Variants in VWA8 observed in about 807,000 individuals in gnomAD.
VWA8 encodes the protein von Willebrand factor A domain containing 8.
In VWA8, 221 loss-of-function variants were observed where a neutral mutation model predicts 241.5. The observed-to-expected ratio is 0.91, with a 90% confidence interval of 0.82 to 1.02. The LOEUF (loss-of-function observed/expected upper bound fraction) is 1.02. Among genes scored for constraint, VWA8 ranks in the 50% least tolerant of loss-of-function variants. The pLI is 0.00. For missense variants in VWA8, 2,322 were observed against 2,328.7 expected (o/e 1.00, Z 0.06); for synonymous variants, 852 against 827.1 (o/e 1.03, Z -0.52).
chr13:41,935,972 T>C (rs1346858459), intron 2 of VWA8, among the ~76,000 whole-genome samples: 2 of 152,104 alleles, frequency 1.3e-5, no homozygotes, highest in Non-Finnish European at 2.9e-5. Context: ...CTACTTTCTA[T>C]CTCTACCACA....
chr13:41,919,723 G>A (rs576905901), intron 2 of VWA8, among the ~76,000 whole-genome samples: 1 of 152,084 alleles, frequency 6.6e-6, no homozygotes, highest in African/African-American at 2.4e-5. Context: ...ACTACCCCCA[G>A]ACACCACACC....
chr13:41,741,845 C>T (rs1184683613), intron 21 of VWA8, among the ~76,000 whole-genome samples: 1 of 152,226 alleles, frequency 6.6e-6, no homozygotes, highest in South Asian at 2.1e-4. Context: ...AAATTAAATT[C>T]ATGTCAAAAG....
intron 12 of VWA8, 147 bp from the exon 13 acceptor site, chr13:41,833,678 A>C (rs1162013469): frequency 7.8e-6 from 8 of 1,026,282 alleles, no homozygotes; most frequent in Non-Finnish European, 9.0e-6. Context: ...CCAATTCCTA[A>C]AACGAAAGCT....
rs370109963 is a variant in VWA8 at position 41,644,145 on chromosome 13, T to C, written c.4611+26801A>G. Among the ~76,000 whole-genome samples the C allele has an allele frequency of 4.1e-4, 63 of 152,204 alleles. No individual in the cohort carries two copies. In the East Asian group the frequency reaches 7.6e-3, roughly 18 times the overall value. On this transcript the variant is annotated intron_variant, in intron 37 of 44. Coordinates refer to ENST00000379310, the MANE Select transcript of VWA8 (RefSeq NM_015058.2). ...ATTTTTTTTTAATTGTGCCATTATATTAAAGCAATTTTTCCCAGGGAAGCA... is the reference window on the plus strand; with the variant it reads ...ATTTTTTTTTAATTGTGCCATTATACTAAAGCAATTTTTCCCAGGGAAGCA...
Position 41,570,673 on chromosome 13 carries a change from C to T in VWA8, c.5404G>A (p.Gly1802Arg). ...MHAHSQFCMS[G>R]DHTLEGTEHA... ...TCTGTCCCTTCTAACGTGTGGTCCC[C>T]ACTCATGCAGAACTGAGAGTGGGCA... Residue 1802 changes from glycine to arginine, a missense_variant, in exon 44 of 45, where the codon GGG (glycine) becomes AGG (arginine). Gly to Arg is a moderately radical substitution (Grantham distance 125). Transcript: ENST00000379310. The T allele has an allele frequency of 6.2e-7, 1 of 1,614,202 alleles. No individual in the cohort carries two copies. Among genetic ancestry groups the T allele is most frequent in the South Asian group, 1.1e-5 (1 of 91,086 alleles).
At chr13:41,841,985 A>C (rs1281818772) in intron 12 of VWA8, among the ~76,000 whole-genome samples, 2 of 150,698 alleles carry the variant, frequency 1.3e-5, no homozygotes, top group African/African-American at 4.9e-5. Flanking sequence ...AGTTTTACTT[A>C]TTAAGCAATA....
At chr13:41,584,070 T>C (rs572833475) in intron 42 of VWA8, among the ~76,000 whole-genome samples, 1 of 152,198 alleles carries the variant, frequency 6.6e-6, no homozygotes, top group African/African-American at 2.4e-5. Context: ...GTACTGTAAA[T>C]ATTTGGAGAG....
At chr13:41,828,294 G>A (rs1159859357) in intron 14 of VWA8, among the ~76,000 whole-genome samples, 4 of 151,968 alleles carry the variant, frequency 2.6e-5, no homozygotes, top group East Asian at 3.8e-4. Context: ...TATCTTTTAC[G>A]GGATTTAAAT....
At chr13:41,678,685 CT>C (rs570554379) in intron 35 of VWA8, among the ~76,000 whole-genome samples, 7 of 152,184 alleles carry the variant, frequency 4.6e-5, no homozygotes, top group East Asian at 3.9e-4. Context: ...TTTAAAATAT[CT>C]TTTTTTTCCC....
At chr13:41,640,212 G>A (rs1361936742) in intron 37 of VWA8, among the ~76,000 whole-genome samples, 10 of 152,146 alleles carry the variant, frequency 6.6e-5, no homozygotes, top group African/African-American at 2.2e-4. Flanking sequence ...GTCTATTCAC[G>A]TCAGTGTTTT....
Position 41,568,388 on chromosome 13 carries a change from T to C in VWA8, c.5610-83A>G, listed in dbSNP as rs771203732. The stretch of plus-strand genomic sequence containing the variant: ...CCTGCCCTGGCAAACCACAGCCCCC[T>C]AATGGTTTCTTAGGAAAGGAAGTTT... On this transcript the variant is annotated intron_variant, in intron 44 of 44. Coordinates refer to ENST00000379310, the MANE Select transcript of VWA8 (RefSeq NM_015058.2). 9 of 1,081,472 alleles carry C rather than the reference T, an allele frequency of 8.3e-6. No individual in the cohort carries two copies. In the East Asian group the frequency reaches 2.1e-4, roughly 26 times the overall value. The allele number at this position is 1,081,472 out of a possible 1,614,324, so 67.0% of individuals were successfully genotyped here. A position where few individuals can be genotyped will look rare whatever the true frequency, so the allele number is the denominator to read the frequency against.
At position 41,907,650 on chromosome 13, in the gene VWA8, G is replaced by T. The variant is rs751263968; in HGVS notation, c.419C>A (p.Thr140Asn). The T allele has an allele frequency of 1.2e-6, 2 of 1,614,128 alleles. No individual in the cohort carries two copies. The highest frequency in any genetic ancestry group is 4.5e-5 in the East Asian group (2 of 44,872). ...TCGCTGTTTGAGATCAGTTTCAGTG[G>T]TGTCCCTTGACAGGGCAATGTATTC... ...EVEYIALSRD[T>N]TETDLKQRRE... The change falls in exon 4 of 45, where the codon ACC (threonine) becomes AAC (asparagine). Residue 140 changes from threonine (T) to asparagine (N), a missense_variant. Transcript: ENST00000379310.
intron 37 of VWA8, among the ~76,000 whole-genome samples, chr13:41,668,786 T>C (rs2045003472): frequency 6.6e-6 from 1 of 152,214 alleles, no homozygotes; most frequent in African/African-American, 2.4e-5. Flanking sequence ...GAATACAGAC[T>C]CATGTTTGAG....
intron 29 of VWA8, among the ~76,000 whole-genome samples, chr13:41,695,650 A>G (rs2045211408): frequency 6.6e-6 from 1 of 152,190 alleles, no homozygotes; most frequent in Non-Finnish European, 1.5e-5. Context: ...GAGGACAGGT[A>G]GAGAGGAAGT....
intron 12 of VWA8, among the ~76,000 whole-genome samples, chr13:41,835,759 T>C (rs184746930): frequency 1.3e-5 from 2 of 152,312 alleles, no homozygotes; most frequent in South Asian, 4.1e-4. Flanking sequence ...TATATATGTA[T>C]GTATACAAAT....
At chr13:41,742,367 C>A (rs1317776897) in intron 21 of VWA8, among the ~76,000 whole-genome samples, 1 of 152,168 alleles carries the variant, frequency 6.6e-6, no homozygotes. Flanking sequence ...AGATATATCC[C>A]TGCCCTGAAG....
chr13:41,900,051 T>C (rs895963358), intron 4 of VWA8, among the ~76,000 whole-genome samples: 8 of 152,204 alleles, frequency 5.3e-5, no homozygotes, highest in African/African-American at 1.4e-4. Flanking sequence ...GCTATTAGCA[T>C]TTATGGAATA....
At chr13:41,882,843 G>GGGAGA (rs1467056307) in intron 9 of VWA8, among the ~76,000 whole-genome samples, 3 of 151,960 alleles carry the variant, frequency 2.0e-5, no homozygotes, top group African/African-American at 4.8e-5. Flanking sequence ...GAGAGGGAGA[G>GGGAGA]CAATCCTATT....
In VWA8 at chr13:41,574,074, C is replaced by T. The variant is rs572020839; in HGVS notation, c.5370+1666G>A. 9.9e-5 allele frequency among the ~76,000 whole-genome samples: 15 copies of T among 151,670 alleles called. No individual in the cohort carries two copies. The East Asian group carries it at 2.9e-3, about 29-fold the overall frequency. ...ATGCCCGTATCAAACATCTTATGTG[C>T]CCCACAAGCATATAAACTTACTATG... On this transcript the variant is annotated intron_variant, in intron 43 of 44. Coordinates refer to ENST00000379310, the MANE Select transcript of VWA8 (RefSeq NM_015058.2).
Sources: gnomAD v4.1 joint callset for allele counts (sites outside exome capture counted in the v4.1 genomes callset) on GRCh38, gnomAD v4.1.1 for gene constraint, MANE v1.5 for transcripts, NCBI Gene and HGNC (gene_info 2026-07-23, HGNC 2026-07-21) for gene names.